CYTH1: variants seen among roughly 807,000 people sequenced by gnomAD.
The protein encoded by CYTH1 is cytohesin 1, also known as cytohesin-1.
CYTH1 carries 18 observed loss-of-function variants against 61.8 expected under a neutral mutation model. The ratio of observed to expected loss-of-function variants is 0.29; its 90% CI spans 0.20 to 0.43. The LOEUF is 0.43. Among genes scored for constraint, CYTH1 ranks in the 20% least tolerant of loss-of-function variants. The probability of loss-of-function intolerance (pLI) is 1.00; values close to 1 mark genes in which losing one functional copy is unlikely to be tolerated. For synonymous variants in CYTH1, 174 were observed against 184.3 expected (o/e 0.94, Z 0.45); for missense variants, 336 against 510.5 (o/e 0.66, Z 3.29).
Position 78,698,938 on chromosome 17 carries a change from A to G in CYTH1, c.581T>C (p.Ile194Thr), listed in dbSNP as rs1272675835. ...DTCYVLSFAI[I>T]MLNTSLHNPN... ...GTTGTGCAGACTGGTGTTCAACATG[A>G]TGATGGCAAAGGAGAGGACGTAACA... Residue 194 changes from isoleucine (I) to threonine (T), a missense_variant, in exon 8 of 14, where the codon ATC becomes ACC. Ile to Thr is a moderately conservative substitution (Grantham distance 89). Around this residue, in one of 4 missense-constraint regions of CYTH1, gnomAD observed 125 missense variants for 209.9 expected, o/e 0.60. Coordinates refer to ENST00000446868, the MANE Select transcript of CYTH1 (RefSeq NM_004762.6). 6.2e-7 allele frequency: 1 copy of G among 1,611,782 alleles called. No individual in the cohort carries two copies. Among genetic ancestry groups the G allele is most frequent in the South Asian group, 1.1e-5 (1 of 90,494 alleles).
At position 78,758,324 on chromosome 17, in the gene CYTH1, C is replaced by T. The variant is rs150762586; in HGVS notation, c.22+23878G>A. On this transcript the variant is annotated intron_variant, in intron 1 of 13. Transcript: ENST00000446868. ...GCAAGGTCTGTCTTCTTGTAGCTGG[C>T]GACATGAAGTTGGTCAAGGAGACTG... 9.5e-3 allele frequency among the ~76,000 whole-genome samples: 1,454 copies of T among 152,262 alleles called. 6 individuals carry two copies. The highest frequency in any genetic ancestry group is 0.024 in the Middle Eastern group (7 of 294).
chr17:78,690,120 C>A (rs1318487211), intron 11 of CYTH1, among the ~76,000 whole-genome samples: 1 of 151,872 alleles, frequency 6.6e-6, no homozygotes, highest in African/African-American at 2.4e-5. Flanking sequence ...TGACAGCATC[C>A]TCTCTGTGTC....
At chr17:78,689,762 T>C (rs1345260892) in intron 11 of CYTH1, among the ~76,000 whole-genome samples, 1 of 152,216 alleles carries the variant, frequency 6.6e-6, no homozygotes, top group Non-Finnish European at 1.5e-5. Flanking sequence ...GGCTGCTTTT[T>C]TCACTTTTCC....
At position 78,674,278 on chromosome 17, in the gene CYTH1, C is replaced by T. The variant is rs975818300; in HGVS notation, c.*1813G>A. The T allele has an allele frequency of 5.2e-5, 8 of 152,594 alleles. No homozygotes were observed. The highest frequency in any genetic ancestry group is 1.9e-4 in the African/African-American group (8 of 41,440). The allele number at this position is 152,594 out of a possible 1,614,324, so 9.5% of individuals were successfully genotyped here. ...ATTATTTACACCTCTGATAAATAGA[C>T]TAATACTGACCCAGGTGCCTCTCTG... On this transcript the variant is annotated 3_prime_UTR_variant, in exon 14 of 14. Coordinates refer to ENST00000446868, the MANE Select transcript of CYTH1 (RefSeq NM_004762.6).
At chr17:78,731,682 C>G (rs995416127) in intron 1 of CYTH1, among the ~76,000 whole-genome samples, 1 of 142,942 alleles carries the variant, frequency 7.0e-6, no homozygotes, top group Non-Finnish European at 1.5e-5. Context: ...GGCGTGAACC[C>G]GGGAGGCGAA....
At chr17:78,704,979 G>C (rs2093050565) in intron 3 of CYTH1, among the ~76,000 whole-genome samples, 1 of 152,150 alleles carries the variant, frequency 6.6e-6, no homozygotes, top group Non-Finnish European at 1.5e-5. Context: ...GTTATGACCA[G>C]GTATCTAGAA....
At chr17:78,706,387 AC>A (rs1217239261) in intron 3 of CYTH1, among the ~76,000 whole-genome samples, 1 of 148,516 alleles carries the variant, frequency 6.7e-6, no homozygotes, top group Non-Finnish European at 1.5e-5. Flanking sequence ...CTAGATGCTC[AC>A]GCATGGAAGC....
intron 1 of CYTH1, among the ~76,000 whole-genome samples, chr17:78,722,986 G>C (rs1182872846): frequency 6.6e-6 from 1 of 152,188 alleles, no homozygotes; most frequent in Non-Finnish European, 1.5e-5. Flanking sequence ...CTAAGTCTCA[G>C]GCTTAGAAGA....
At chr17:78,780,186 A>C (rs1210603992) in intron 1 of CYTH1, among the ~76,000 whole-genome samples, 2 of 152,238 alleles carry the variant, frequency 1.3e-5, no homozygotes. Flanking sequence ...GGGGCTGAAC[A>C]ATCTTTTGGG....
intron 1 of CYTH1, among the ~76,000 whole-genome samples, chr17:78,715,456 C>CCAT: frequency 6.6e-6 from 1 of 152,216 alleles, no homozygotes; most frequent in South Asian, 2.1e-4. Context: ...ACAGCAAGCG[C>CCAT]CATCAACTGT....
intron 1 of CYTH1, among the ~76,000 whole-genome samples, chr17:78,718,971 C>T (rs2093205961): frequency 6.6e-6 from 1 of 152,212 alleles, no homozygotes; most frequent in Admixed American, 6.5e-5. Flanking sequence ...AGCGGGGGTA[C>T]AACACTGAAG....
At position 78,702,597 on chromosome 17, in the gene CYTH1, T is replaced by A; in HGVS notation, c.178A>T (p.Met60Leu). 1 of 1,614,212 alleles carries A rather than the reference T, an allele frequency of 6.2e-7. No homozygotes were observed. Residue 60 changes from methionine to leucine, a missense_variant, in exon 4 of 14, where the codon ATG (methionine) becomes TTG (leucine). Met to Leu is a conservative substitution (Grantham distance 15). This residue lies in a region of CYTH1 where 112 missense variants were observed against 127.1 expected (regional missense o/e 0.88). Transcript: ENST00000446868. ...ATGGCTACCTGTTTGTTCCTCTGCA[T>A]GTTTTTCCTGTAAAACAACCATCAC... ...NLGSTEERKN[M>L]QRNKQVAMGR...
Position 78,728,548 on chromosome 17 carries a change from C to CA in CYTH1, c.23-18817dup, listed in dbSNP as rs879444799. On this transcript the variant is annotated intron_variant, in intron 1 of 13. Transcript: ENST00000446868. ...GGGTAATGAGAGCGAAACTCCATCT[C>CA]AAAAAAAAAAAAATTATTTACATTA... 1.3e-3 allele frequency among the ~76,000 whole-genome samples: 159 copies of CA among 126,716 alleles called. 1 individual carries two copies. Among genetic ancestry groups the CA allele is most frequent in the East Asian group, 6.7e-4 (3 of 4,460 alleles). 83.1% of individuals were successfully genotyped at this position (126,716 alleles called of 152,430 possible).
chr17:78,679,673 G>C (rs888777105), intron 13 of CYTH1, among the ~76,000 whole-genome samples: 8 of 152,208 alleles, frequency 5.3e-5, no homozygotes, highest in African/African-American at 1.7e-4. Context: ...GGACTTGGGA[G>C]CTCCACTTCT....
At chr17:78,723,753 C>A in intron 1 of CYTH1, 1 of 152,540 alleles carries the variant, frequency 6.6e-6, no homozygotes. Flanking sequence ...AGAATGCCAA[C>A]CTTACTCCAG....
chr17:78,761,808 T>C (rs868851042), intron 1 of CYTH1, among the ~76,000 whole-genome samples: 4 of 152,224 alleles, frequency 2.6e-5, no homozygotes, highest in Admixed American at 1.3e-4. Flanking sequence ...TAGAATGCTA[T>C]ACACACACAT....
chr17:78,711,297 T>C (rs1567851946), intron 1 of CYTH1, among the ~76,000 whole-genome samples: 1 of 106,834 alleles, frequency 9.4e-6, no homozygotes. Context: ...AATAAATAAA[T>C]AAATAATATA....
At chr17:78,705,715 C>T (rs547918581) in intron 3 of CYTH1, among the ~76,000 whole-genome samples, 4 of 152,136 alleles carry the variant, frequency 2.6e-5, no homozygotes, top group South Asian at 2.1e-4. Flanking sequence ...TCCGTCTTGG[C>T]GCTTTCGATA....
chr17:78,725,676 T>G (rs539318004), intron 1 of CYTH1, among the ~76,000 whole-genome samples: 1 of 152,154 alleles, frequency 6.6e-6, no homozygotes, highest in South Asian at 2.1e-4. Context: ...GCCGACAGAG[T>G]GGATCACAGC....
Sources: gnomAD v4.1 joint callset for allele counts (sites outside exome capture counted in the v4.1 genomes callset) on GRCh38, gnomAD v4.1.1 for gene constraint, gnomAD v4.1.1 regional missense constraint, MANE v1.5 for transcripts, NCBI Gene and HGNC (gene_info 2026-07-23, HGNC 2026-07-21) for gene names.